The following GPC5 variants were observed in gnomAD, a reference collection of about 807,000 sequenced individuals.
The protein encoded by GPC5 is glypican 5.
A neutral mutation model predicts 53.9 loss-of-function variants in GPC5; 47 were observed. That is an observed-to-expected ratio of 0.87 (90% confidence interval 0.69 to 1.11). GPC5 has a LOEUF of 1.11. Among genes scored for constraint, GPC5 ranks in the 50% most tolerant of loss-of-function variants. The pLI, the probability that GPC5 is intolerant of heterozygous loss-of-function variation, is 0.00. For missense variants in GPC5, 748 were observed against 713.1 expected, an observed-to-expected ratio of 1.05 and a Z score of -0.56; for synonymous variants, 286 against 263.3, an observed-to-expected ratio of 1.09 and a Z score of -0.84.
chr13:91,977,906 G>A (rs909908446), intron 6 of GPC5, among the ~76,000 whole-genome samples: 4 of 147,206 alleles, frequency 2.7e-5, no homozygotes, highest in African/African-American at 7.6e-5. Flanking sequence ...GTGCCCAGGA[G>A]TTCAAGACCA....
chr13:92,205,190 T>C (rs2139066236), intron 7 of GPC5, among the ~76,000 whole-genome samples: 1 of 152,036 alleles, frequency 6.6e-6, no homozygotes, highest in East Asian at 1.9e-4. Flanking sequence ...GTTTTGTTTT[T>C]TTGTTTGTTT....
At chr13:91,697,489 G>T (rs1334932811) in intron 3 of GPC5, among the ~76,000 whole-genome samples, 2 of 152,110 alleles carry the variant, frequency 1.3e-5, no homozygotes, top group Admixed American at 1.3e-4. Flanking sequence ...TTTCTTAGGG[G>T]TGTAGAGCTC....
rs1458512699 is a variant in GPC5 at position 91,398,669 on chromosome 13, G to GGCGGCGGCA, written c.-376_-368dup. 4.3e-3 allele frequency: 389 copies of GGCGGCGGCA among 91,526 alleles called. 4 individuals are homozygous for GGCGGCGGCA. The highest frequency in any genetic ancestry group is 0.014 in the African/African-American group (377 of 27,484). 5.7% of individuals were successfully genotyped at this position (91,526 alleles called of 1,614,324 possible). On this transcript the variant is annotated 5_prime_UTR_variant, in exon 1 of 8. Transcript: ENST00000377067. ...CGAGCCGGGCGGCGGAGGCGGCGGCGGCGGCGGCAGTGGCGGCAGTGGCGG... is the reference window on the plus strand; with the variant it reads ...CGAGCCGGGCGGCGGAGGCGGCGGCGGCGGCGGCAGCGGCGGCAGTGGCGGCAGTGGCGG...
intron 7 of GPC5, among the ~76,000 whole-genome samples, chr13:92,287,508 T>C (rs7985043): frequency 0.44 from 67,040 of 151,972 alleles, 16,322 homozygotes; most frequent in African/African-American, 0.66. Flanking sequence ...TGTCAAAGTG[T>C]GCCTCATACA....
At chr13:92,211,968 A>G (rs1320701224) in intron 7 of GPC5, among the ~76,000 whole-genome samples, 1 of 152,004 alleles carries the variant, frequency 6.6e-6, no homozygotes, top group African/African-American at 2.4e-5. Flanking sequence ...TCAAATTAAC[A>G]GATTGATACC....
intron 6 of GPC5, among the ~76,000 whole-genome samples, chr13:92,019,338 CT>C (rs2040736653): frequency 6.6e-6 from 1 of 151,784 alleles, no homozygotes; most frequent in South Asian, 2.1e-4. Context: ...AAATATTGGT[CT>C]TTAATATAGA....
At chr13:92,281,833 A>T (rs2042917789) in intron 7 of GPC5, among the ~76,000 whole-genome samples, 1 of 152,218 alleles carries the variant, frequency 6.6e-6, no homozygotes, top group African/African-American at 2.4e-5. Context: ...TCTAAAAATC[A>T]GACCACCTCT....
At chr13:91,821,001 A>T (rs1476084599) in intron 5 of GPC5, among the ~76,000 whole-genome samples, 1 of 151,922 alleles carries the variant, frequency 6.6e-6, no homozygotes, top group Non-Finnish European at 1.5e-5. Context: ...AAAAAAAAGA[A>T]TGTACTTCCA....
intron 7 of GPC5, among the ~76,000 whole-genome samples, chr13:92,744,471 G>T (rs1889192415): frequency 6.6e-6 from 1 of 151,182 alleles, no homozygotes; most frequent in African/African-American, 2.4e-5. Flanking sequence ...GTCTTAGCAG[G>T]AGATGAGACT....
chr13:91,431,708 AT>A (rs1403271568), intron 1 of GPC5, among the ~76,000 whole-genome samples: 1 of 152,246 alleles, frequency 6.6e-6, no homozygotes, highest in Admixed American at 6.5e-5. Flanking sequence ...TTACACACAT[AT>A]GGCTGGCAAG....
chr13:92,477,085 A>G (rs1311578368), intron 7 of GPC5, among the ~76,000 whole-genome samples: 1 of 151,144 alleles, frequency 6.6e-6, no homozygotes, highest in Non-Finnish European at 1.5e-5. Flanking sequence ...AAATAAAAAG[A>G]AAATAAACAG....
intron 2 of GPC5, among the ~76,000 whole-genome samples, chr13:91,557,274 GC>G (rs2031013885): frequency 1.3e-5 from 2 of 152,192 alleles, no homozygotes; most frequent in South Asian, 4.1e-4. Context: ...ATTGCATTGT[GC>G]CTTTACTTTG....
chr13:91,850,651 C>T (rs910243165), intron 5 of GPC5, among the ~76,000 whole-genome samples: 3 of 152,056 alleles, frequency 2.0e-5, no homozygotes, highest in African/African-American at 7.2e-5. Flanking sequence ...ATTAGGTCCT[C>T]TTCCTTTTTT....
intron 7 of GPC5, among the ~76,000 whole-genome samples, chr13:92,840,094 T>TATATATACATATATATATATATATATAC (rs1177535147): frequency 5.4e-4 from 35 of 64,944 alleles, no homozygotes; most frequent in African/African-American, 1.9e-3. Flanking sequence ...TATATATATA[T>TATATATACATATATATATATATATATAC]ATATATATAT....
chr13:91,562,367 A>T (rs1033099790), intron 2 of GPC5, among the ~76,000 whole-genome samples: 2 of 152,104 alleles, frequency 1.3e-5, no homozygotes, highest in Non-Finnish European at 2.9e-5. Context: ...TCATAAGTAC[A>T]TGGGGGAGTT....
At chr13:91,733,920 A>G (rs1276875773) in intron 4 of GPC5, among the ~76,000 whole-genome samples, 3 of 152,156 alleles carry the variant, frequency 2.0e-5, no homozygotes, top group East Asian at 1.9e-4. Context: ...TTCAAAGGGA[A>G]TGCTTCCAGC....
rs138843573 is a variant in GPC5 at position 92,628,063 on chromosome 13, C to T, written c.1562-238219C>T. Reference sequence around the variant, plus strand: ...TAAGCAGTATCTTCCTGGCGTCAGCCTAAAATTCATTCCACACACCCAACA... The same window carrying T: ...TAAGCAGTATCTTCCTGGCGTCAGCTTAAAATTCATTCCACACACCCAACA... On this transcript the variant is annotated intron_variant, in intron 7 of 7. Coordinates refer to ENST00000377067, the MANE Select transcript of GPC5 (RefSeq NM_004466.6). Among the ~76,000 whole-genome samples the T allele has an allele frequency of 4.5e-3, 678 of 152,006 alleles. 4 individuals carry two copies. The highest frequency in any genetic ancestry group is 0.017 in the Middle Eastern group (5 of 292).
At chr13:91,749,072 C>T (rs1291981930) in intron 4 of GPC5, among the ~76,000 whole-genome samples, 1 of 151,880 alleles carries the variant, frequency 6.6e-6, no homozygotes, top group African/African-American at 2.4e-5. Flanking sequence ...GGCAAAAGTG[C>T]AGTTGTATTA....
In GPC5 at chr13:92,866,400, T is replaced by C; in HGVS notation, c.1680T>C (p.Thr560=). The C allele has an allele frequency of 6.2e-7, 1 of 1,611,404 alleles. No homozygotes were observed. Among genetic ancestry groups the C allele is most frequent in the South Asian group, 1.1e-5 (1 of 90,818 alleles). ...CAVATESMTF[T]LISVVMLLPG... ...TGGCGACTGAATCTATGACATTCACTCTGATAAGTGTGGTGATGTTACTTC... is the reference window on the plus strand; with the variant it reads ...TGGCGACTGAATCTATGACATTCACCCTGATAAGTGTGGTGATGTTACTTC... Residue 560 remains threonine, a synonymous_variant, in exon 8 of 8, where the codon ACT becomes ACC. Transcript: ENST00000377067.
Sources: allele counts gnomAD v4.1 joint callset (sites outside exome capture counted in the v4.1 genomes callset), GRCh38; gene constraint gnomAD v4.1.1; transcripts MANE v1.5; gene names NCBI Gene and HGNC (gene_info 2026-07-23, HGNC 2026-07-21).